The following MAL2 variants were observed in gnomAD, a reference collection of about 807,000 sequenced individuals.
MAL2 encodes mal, T cell differentiation protein 2, also known as protein MAL2.
Under a neutral mutation model 18.1 loss-of-function variants are expected in MAL2, and 17 were observed. That is an observed-to-expected ratio of 0.94 (90% CI 0.64 to 1.41). The LOEUF (loss-of-function observed/expected upper bound fraction) is 1.41, where lower values mean the gene tolerates loss of function less well. Among genes scored for constraint, MAL2 ranks in the 40% most tolerant of loss-of-function variants. The pLI, the probability that MAL2 is intolerant of heterozygous loss-of-function variation, is 0.00. For synonymous variants in MAL2, 102 were observed against 102.3 expected (o/e 1.00, Z 0.02); for missense variants, 222 against 231.9 (o/e 0.96, Z 0.28).
In MAL2 at chr8:119,208,847, A is replaced by G. The variant is rs1324417793; in HGVS notation, c.132+243A>G. 9 of 452,816 alleles carry G rather than the reference A, an allele frequency of 2.0e-5. No homozygotes were observed. Among genetic ancestry groups the G allele is most frequent in the Non-Finnish European group, 2.7e-5 (8 of 294,164 alleles). The allele number at this position is 452,816 out of a possible 1,614,324, so 28.0% of individuals were successfully genotyped here. On this transcript the variant is annotated intron_variant, in intron 1 of 3. Coordinates refer to ENST00000614891, the MANE Select transcript of MAL2 (RefSeq NM_052886.3). This position sits in a 1 kb window ranked among gnomAD's most constrained non-coding sequence, Gnocchi z 4.3. ...CGACGGAAATTGCCTGGGGAGGGCGAGTAGGCGGCCCGGCAGGGCCGAACA... is the reference window on the plus strand; with the variant it reads ...CGACGGAAATTGCCTGGGGAGGGCGGGTAGGCGGCCCGGCAGGGCCGAACA...
chr8:119,216,603 G>A (rs1365233880), intron 1 of MAL2, among the ~76,000 whole-genome samples: 1 of 152,152 alleles, frequency 6.6e-6, no homozygotes, highest in East Asian at 1.9e-4. Context: ...CAGACTGGAA[G>A]ACAAATATTT....
intron 2 of MAL2, among the ~76,000 whole-genome samples, chr8:119,234,403 G>C (rs1353227900): frequency 6.6e-6 from 1 of 152,228 alleles, no homozygotes; most frequent in Non-Finnish European, 1.5e-5. Flanking sequence ...CCATTGCCCA[G>C]GCTTGCTTAG....
intron 1 of MAL2, among the ~76,000 whole-genome samples, chr8:119,212,823 C>T (rs559516204): frequency 4.6e-5 from 7 of 151,894 alleles, no homozygotes; most frequent in Non-Finnish European, 8.8e-5. Flanking sequence ...TTTGGTGGGC[C>T]GTGGCAGAAA....
At chr8:119,210,200 GTTTA>G (rs531275899) in intron 1 of MAL2, among the ~76,000 whole-genome samples, 194 of 152,116 alleles carry the variant, frequency 1.3e-3, no homozygotes, top group African/African-American at 4.4e-3. Context: ...TTTTTCTAAT[GTTTA>G]TTCAAATATA....
intron 1 of MAL2, among the ~76,000 whole-genome samples, chr8:119,210,554 C>G (rs927524234): frequency 2.6e-5 from 4 of 152,118 alleles, no homozygotes; most frequent in African/African-American, 9.7e-5. Context: ...CCAGAGTTCA[C>G]TAGTTATTTT....
rs1817225970 is a variant in MAL2, at chr8:119,208,769, G to T, written c.132+165G>T. 9.1e-7 allele frequency: 1 copy of T among 1,094,040 alleles called. No individual in the cohort carries two copies. The highest frequency in any genetic ancestry group is 1.2e-6 in the Non-Finnish European group (1 of 866,786). 67.8% of individuals were successfully genotyped at this position (1,094,040 alleles called of 1,614,324 possible). A position where few individuals can be genotyped will look rare whatever the true frequency, so the allele number is the denominator to read the frequency against. Reference sequence around the variant, plus strand: ...GGTCCTCTCGGTGCCCCGCGCCGCCGCCCGGGCCCTCCCTCCTAGCACCTG... The same window carrying T: ...GGTCCTCTCGGTGCCCCGCGCCGCCTCCCGGGCCCTCCCTCCTAGCACCTG... On this transcript the variant is annotated intron_variant, in intron 1 of 3. Transcript: ENST00000614891. The surrounding 1 kb of genome is among the most constrained non-coding windows in gnomAD (Gnocchi z 4.3).
rs564340125 is a variant in MAL2 at position 119,208,555 on chromosome 8, G to A, written c.83G>A (p.Gly28Asp). ...CCGCCCCGGGTCACCCTGCCCGCCG[G>A]CCCCGACATCCTGCGGACCTACTCG... is the stretch of plus-strand genomic sequence containing the variant. Reference protein sequence around the residue: ...FPPPRVTLPAGPDILRTYSGA... With the variant: ...FPPPRVTLPADPDILRTYSGA... The change falls in exon 1 of 4, where the codon GGC becomes GAC. Residue 28 changes from glycine (G) to aspartate (D), a missense_variant. Physicochemically the swap from Gly to Asp is moderately conservative, Grantham distance 94 (BLOSUM62 -1). Coordinates refer to ENST00000614891, the MANE Select transcript of MAL2 (RefSeq NM_052886.3). The surrounding 1 kb of genome is among the most constrained non-coding windows in gnomAD (Gnocchi z 4.3). 2 of 1,399,822 alleles carry A rather than the reference G, an allele frequency of 1.4e-6. No homozygotes were observed. The highest frequency in any genetic ancestry group is 1.6e-5 in the South Asian group (1 of 62,920). 86.7% of individuals were successfully genotyped at this position (1,399,822 alleles called of 1,614,324 possible). A position where few individuals can be genotyped will look rare whatever the true frequency, so the allele number is the denominator to read the frequency against.
At chr8:119,232,518 A>G (rs1056740279) in intron 2 of MAL2, among the ~76,000 whole-genome samples, 1 of 152,186 alleles carries the variant, frequency 6.6e-6, no homozygotes, top group Admixed American at 6.5e-5. Flanking sequence ...TATGCTTCAC[A>G]TGAATGTCAG....
intron 1 of MAL2, among the ~76,000 whole-genome samples, chr8:119,209,406 T>A (rs1438020756): frequency 6.6e-6 from 1 of 152,172 alleles, no homozygotes; most frequent in Non-Finnish European, 1.5e-5. Flanking sequence ...GTGCAGCCTT[T>A]TTAGGTAGCA....
Position 119,230,868 on chromosome 8 carries a change from C to T in MAL2, c.303+9111C>T, listed in dbSNP as rs79572982. Among the ~76,000 whole-genome samples, 17 of 152,258 alleles carry T rather than the reference C, an allele frequency of 1.1e-4. No individual in the cohort carries two copies. In the East Asian group the frequency reaches 2.7e-3, roughly 24 times the overall value. ...TGTATTTGAGCATCTCTCCTACAAA[C>T]GTGTGGCCAGTATGTAACACTTTTC... On this transcript the variant is annotated intron_variant, in intron 2 of 3. Transcript: ENST00000614891.
chr8:119,227,590 T>C (rs1289379188), intron 2 of MAL2, among the ~76,000 whole-genome samples: 2 of 152,182 alleles, frequency 1.3e-5, no homozygotes, highest in Non-Finnish European at 2.9e-5. Context: ...GCAAATCCAC[T>C]GAAGCTGGAG....
intron 2 of MAL2, among the ~76,000 whole-genome samples, chr8:119,237,886 G>A (rs1344486720): frequency 6.6e-6 from 1 of 152,120 alleles, no homozygotes; most frequent in Non-Finnish European, 1.5e-5. Flanking sequence ...CACAAGACAG[G>A]GATGCCCTCT....
chr8:119,219,263 A>G (rs1477552994), intron 1 of MAL2, among the ~76,000 whole-genome samples: 1 of 152,216 alleles, frequency 6.6e-6, no homozygotes, highest in African/African-American at 2.4e-5. Context: ...TCATTGATCA[A>G]GTGATCATTT....
At chr8:119,236,986 A>G (rs1456110795) in intron 2 of MAL2, among the ~76,000 whole-genome samples, 33 of 151,688 alleles carry the variant, frequency 2.2e-4, no homozygotes, top group Non-Finnish European at 7.3e-5. Context: ...ACCCTTCAAA[A>G]AATCAGTGAA....
At chr8:119,223,390 G>A (rs992059475) in intron 2 of MAL2, 1 of 152,166 alleles carries the variant, frequency 6.6e-6, no homozygotes, top group African/African-American at 2.4e-5. Context: ...TTCTTCCTCT[G>A]TAAAATGAGA....
chr8:119,230,942 T>G (rs538902142), intron 2 of MAL2, among the ~76,000 whole-genome samples: 34 of 152,356 alleles, frequency 2.2e-4, no homozygotes, highest in African/African-American at 6.7e-4. Context: ...TGAGAGTTAT[T>G]TAATAGAAAG....
At chr8:119,211,477 A>C (rs1348878326) in intron 1 of MAL2, among the ~76,000 whole-genome samples, 1 of 152,220 alleles carries the variant, frequency 6.6e-6, no homozygotes, top group African/African-American at 2.4e-5. Flanking sequence ...TATTGACACC[A>C]TGCTCTTGGA....
In MAL2 at chr8:119,240,721, G is replaced by C. The variant is rs531704580; in HGVS notation, c.459+401G>C. On this transcript the variant is annotated intron_variant, in intron 3 of 3. Coordinates refer to ENST00000614891, the MANE Select transcript of MAL2 (RefSeq NM_052886.3). ...TTTCTATTGAATGAATAGTTACTGT[G>C]GGCCTACCATTTATCAAGTAATTTT... 5.3e-5 allele frequency among the ~76,000 whole-genome samples: 8 copies of C among 152,222 alleles called. 1 individual carries two copies. Among genetic ancestry groups the C allele is most frequent in the African/African-American group, 1.9e-4 (8 of 41,534 alleles).
chr8:119,237,688 C>T (rs915420458), intron 2 of MAL2, among the ~76,000 whole-genome samples: 4 of 151,620 alleles, frequency 2.6e-5, no homozygotes, highest in Admixed American at 2.6e-4. Context: ...AGACAAAAAC[C>T]ACATGATTAT....
Sources: gnomAD v4.1 joint callset for allele counts (sites outside exome capture counted in the v4.1 genomes callset) on GRCh38, gnomAD v4.1.1 for gene constraint, Gnocchi (gnomAD v3.1) non-coding constraint, MANE v1.5 for transcripts, NCBI Gene and HGNC (gene_info 2026-07-23, HGNC 2026-07-21) for gene names.